The following CYP2C19 variants were observed in gnomAD, a reference collection of about 807,000 sequenced individuals.
CYP2C19 encodes cytochrome P450 2C19.
CYP2C19 carries 59 observed loss-of-function variants against 40.9 expected under a neutral mutation model. The ratio of observed to expected loss-of-function variants is 1.44; its 90% confidence interval spans 1.17 to 1.79. The LOEUF (loss-of-function observed/expected upper bound fraction) is 1.79, where lower values mean the gene tolerates loss of function less well. CYP2C19 is among the 40% of genes most tolerant of loss of function. CYP2C19 has a pLI of 0.00. For synonymous variants in CYP2C19, 253 were observed against 208.7 expected (o/e 1.21, Z -1.83); for missense variants, 754 against 596.9 (o/e 1.26, Z -2.74).
At chr10:94,768,666 A>C (rs922035145) in intron 1 of CYP2C19, among the ~76,000 whole-genome samples, 1 of 152,148 alleles carries the variant, frequency 6.6e-6, no homozygotes, top group Non-Finnish European at 1.5e-5. Flanking sequence ...TGACACTAAG[A>C]CAGCCATCAC....
rs1450817509 is a variant in CYP2C19, at chr10:94,775,421, G to A, written c.363G>A (p.Lys121=). Residue 121 remains lysine (K), a synonymous_variant, in exon 3 of 9, where the codon AAG becomes AAA. Coordinates refer to ENST00000371321, the MANE Select transcript of CYP2C19 (RefSeq NM_000769.4). ...GIVFSNGKRW[K]EIRRFSLMTL... Reference sequence around the variant, plus strand: ...TTTTCAGCAATGGAAAGAGATGGAAGGAGATCCGGCGTTTCTCCCTCATGA... The same window carrying A: ...TTTTCAGCAATGGAAAGAGATGGAAAGAGATCCGGCGTTTCTCCCTCATGA... 4 of 1,614,134 alleles carry A rather than the reference G, an allele frequency of 2.5e-6. No individual in the cohort carries two copies. Among genetic ancestry groups the A allele is most frequent in the Non-Finnish European group, 8.5e-7 (1 of 1,180,038 alleles).
intron 1 of CYP2C19, among the ~76,000 whole-genome samples, chr10:94,765,698 C>G (rs2134229421): frequency 6.6e-6 from 1 of 152,158 alleles, no homozygotes; most frequent in Non-Finnish European, 1.5e-5. Flanking sequence ...AGTATGTTTG[C>G]CATTACAAAG....
chr10:94,784,591 G>T (rs925509776), intron 5 of CYP2C19, among the ~76,000 whole-genome samples: 19 of 152,062 alleles, frequency 1.2e-4, no homozygotes, highest in African/African-American at 4.6e-4. Flanking sequence ...CCTAGTGAAT[G>T]TAAAGTGGTA....
At chr10:94,849,457 C>A (rs953619085) in intron 7 of CYP2C19, among the ~76,000 whole-genome samples, 12 of 151,448 alleles carry the variant, frequency 7.9e-5, no homozygotes, top group Non-Finnish European at 1.5e-4. Flanking sequence ...TCAAGAAATC[C>A]TATAGGACTT....
chr10:94,815,908 C>T (rs542393376), intron 5 of CYP2C19, among the ~76,000 whole-genome samples: 6 of 152,280 alleles, frequency 3.9e-5, no homozygotes, highest in South Asian at 2.1e-4. Flanking sequence ...TAATTGCAGA[C>T]TCTTGTTTCA....
chr10:94,817,091 C>G (rs1489166908), intron 5 of CYP2C19, among the ~76,000 whole-genome samples: 2 of 143,636 alleles, frequency 1.4e-5, no homozygotes, highest in Admixed American at 7.1e-5. Context: ...TGGGTATATA[C>G]CCAGTAATGG....
intron 8 of CYP2C19, among the ~76,000 whole-genome samples, chr10:94,850,884 T>C (rs958648302): frequency 2.0e-5 from 3 of 152,220 alleles, no homozygotes; most frequent in Non-Finnish European, 4.4e-5. Flanking sequence ...TCCCTAGTCA[T>C]GGCAATGTTT....
chr10:94,828,036 C>T (rs1023026748), intron 6 of CYP2C19, among the ~76,000 whole-genome samples: 1 of 151,514 alleles, frequency 6.6e-6, no homozygotes, highest in African/African-American at 2.4e-5. Context: ...AGACAGTTTG[C>T]CATAATTTCT....
chr10:94,806,623 T>C (rs1285855167), intron 5 of CYP2C19, among the ~76,000 whole-genome samples: 1 of 148,072 alleles, frequency 6.8e-6, no homozygotes, highest in African/African-American at 2.4e-5. Flanking sequence ...TTATTAATAA[T>C]TTATAAATAT....
chr10:94,842,933 A>G lies in CYP2C19; in HGVS notation c.1058A>G (p.His353Arg), dbSNP rs373024844. Residue 353 changes from histidine (H) to arginine (R), a missense_variant, in exon 7 of 9, where the codon CAC becomes CGC. Coordinates refer to ENST00000371321, the MANE Select transcript of CYP2C19 (RefSeq NM_000769.4). ...ATGCCCTACACAGATGCTGTGGTGCACGAGGTCCAGAGATACATCGACCTC... is the reference window on the plus strand; with the variant it reads ...ATGCCCTACACAGATGCTGTGGTGCGCGAGGTCCAGAGATACATCGACCTC... ...GHMPYTDAVV[H>R]EVQRYIDLIP... 45 of 1,614,076 alleles carry G rather than the reference A, an allele frequency of 2.8e-5. No homozygotes were observed. The highest frequency in any genetic ancestry group is 3.4e-5 in the Non-Finnish European group (40 of 1,180,030).
Position 94,842,324 on chromosome 10 carries a change from A to G in CYP2C19, c.962-513A>G, listed in dbSNP as rs973411890. On this transcript the variant is annotated intron_variant, in intron 6 of 8. Coordinates refer to ENST00000371321, the MANE Select transcript of CYP2C19 (RefSeq NM_000769.4). ...TATAATAACTCTTCCTCTTTTTTTT[A>G]TTTCCTTTGGAATGTACTGTCTCAT... 5.9e-5 allele frequency among the ~76,000 whole-genome samples: 6 copies of G among 100,924 alleles called. No homozygotes were observed. In the East Asian group the frequency reaches 1.7e-3, roughly 29 times the overall value. The allele number at this position is 100,924 out of a possible 152,430, so 66.2% of individuals were successfully genotyped here. A position where few individuals can be genotyped will look rare whatever the true frequency, so the allele number is the denominator to read the frequency against.
rs1849711681 is a variant in CYP2C19, at chr10:94,855,059, T to C, written c.*2145T>C. ...AGTGGATAATCTGTTTTCCTGCCTATTTCAGCTCCTAAAGGCTGCCTGCAT... is the reference window on the plus strand; with the variant it reads ...AGTGGATAATCTGTTTTCCTGCCTACTTCAGCTCCTAAAGGCTGCCTGCAT... On this transcript the variant is annotated 3_prime_UTR_variant, in exon 9 of 9. Transcript: ENST00000371321. Among the ~76,000 whole-genome samples the C allele has an allele frequency of 6.6e-6, 1 of 152,224 alleles. No homozygotes were observed. The highest frequency in any genetic ancestry group is 2.1e-4 in the South Asian group (1 of 4,824).
At chr10:94,822,934 TG>T (rs1849152556) in intron 6 of CYP2C19, among the ~76,000 whole-genome samples, 1 of 152,164 alleles carries the variant, frequency 6.6e-6, no homozygotes, top group African/African-American at 2.4e-5. Flanking sequence ...TTTTGTTTTT[TG>T]CTTGTTAATT....
intron 5 of CYP2C19, among the ~76,000 whole-genome samples, chr10:94,784,639 A>G (rs949568544): frequency 2.0e-5 from 3 of 152,022 alleles, no homozygotes; most frequent in African/African-American, 7.2e-5. Flanking sequence ...ATTTTGAGAC[A>G]GAGTCTCACT....
At chr10:94,818,271 C>G (rs1849044812) in intron 5 of CYP2C19, among the ~76,000 whole-genome samples, 1 of 147,282 alleles carries the variant, frequency 6.8e-6, no homozygotes, top group African/African-American at 2.5e-5. Flanking sequence ...GTACCAGTAC[C>G]ATGCTGTTTT....
rs542338736 is a variant in CYP2C19, at chr10:94,833,855, T to C, written c.962-8982T>C. Among the ~76,000 whole-genome samples the C allele has an allele frequency of 2.9e-3, 447 of 152,346 alleles. 4 individuals are homozygous for C. The highest frequency in any genetic ancestry group is 0.01 in the Middle Eastern group (3 of 294). On this transcript the variant is annotated intron_variant, in intron 6 of 8. Transcript: ENST00000371321. ...TTGCATCCCAGAGGTAAATCCCACTTGGTCATTGTGAATGATCTGTCTATT... is the reference window on the plus strand; with the variant it reads ...TTGCATCCCAGAGGTAAATCCCACTCGGTCATTGTGAATGATCTGTCTATT...
intron 5 of CYP2C19, among the ~76,000 whole-genome samples, chr10:94,809,317 T>G (rs1191061445): frequency 1.3e-5 from 2 of 152,182 alleles, no homozygotes; most frequent in Non-Finnish European, 2.9e-5. Context: ...TTGAGCTCCT[T>G]ATATAGTCTG....
chr10:94,781,075 C>G (rs896992866), intron 4 of CYP2C19, among the ~76,000 whole-genome samples: 9 of 152,140 alleles, frequency 5.9e-5, no homozygotes. Context: ...AAGACATTAT[C>G]TCCTTCAAGG....
intron 5 of CYP2C19, among the ~76,000 whole-genome samples, chr10:94,802,866 A>T (rs929414542): frequency 6.6e-6 from 1 of 152,122 alleles, no homozygotes; most frequent in Non-Finnish European, 1.5e-5. Context: ...TGGGTATGAA[A>T]TTCTGGGTTG....
Sources: gnomAD v4.1 joint callset for allele counts (sites outside exome capture counted in the v4.1 genomes callset) on GRCh38, gnomAD v4.1.1 for gene constraint, MANE v1.5 for transcripts, NCBI Gene and HGNC (gene_info 2026-07-23, HGNC 2026-07-21) for gene names.